The following GPD2 variants were observed in gnomAD, a reference collection of about 807,000 sequenced individuals.
GPD2 encodes glycerol-3-phosphate dehydrogenase 2.
Under a neutral mutation model 82.4 loss-of-function variants are expected in GPD2, and 54 were observed. The ratio of observed to expected loss-of-function variants is 0.66; its 90% confidence interval spans 0.53 to 0.82. The LOEUF (loss-of-function observed/expected upper bound fraction) is 0.82. GPD2 is among the 40% of genes least tolerant of loss of function. The pLI, the probability that GPD2 is intolerant of heterozygous loss-of-function variation, is 0.00. For missense variants in GPD2, 748 were observed against 896.2 expected (o/e 0.83, Z 2.11); for synonymous variants, 288 against 306.1 (o/e 0.94, Z 0.62).
At chr2:156,569,596 G>A in intron 11 of GPD2, 58 bp downstream of exon 11, 1 of 1,261,306 alleles carries the variant, frequency 7.9e-7, no homozygotes, top group South Asian at 1.2e-5. Context: ...TGCTGCCAGT[G>A]ACAGAACTGG....
chr2:156,512,107 A>T (rs1432861698), intron 4 of GPD2, 113 bp from the exon 5 acceptor site: 4 of 732,836 alleles, frequency 5.5e-6, no homozygotes, highest in Non-Finnish European at 1.0e-5. Flanking sequence ...AGCTATCCTC[A>T]CTCAGAGATA....
chr2:156,534,047 T>A (rs184505679), intron 6 of GPD2, among the ~76,000 whole-genome samples: 1 of 152,340 alleles, frequency 6.6e-6, no homozygotes. Flanking sequence ...AAGTATCAGG[T>A]CACACAGACA....
the GPD2 span, among the ~76,000 whole-genome samples, chr2:156,414,355 T>A: frequency 6.6e-6 from 1 of 152,208 alleles, no homozygotes; most frequent in Admixed American, 6.5e-5. Context: ...GTATATAAAC[T>A]GCAGGTTAAA....
chr2:156,407,942 T>C, the GPD2 span, among the ~76,000 whole-genome samples: 1 of 134,046 alleles, frequency 7.5e-6, no homozygotes, highest in Admixed American at 8.4e-5. Context: ...CTCCATGCTG[T>C]AATTTTTTTT....
intron 9 of GPD2, among the ~76,000 whole-genome samples, chr2:156,557,989 AAGATGCTTAAT>A (rs1687026532): frequency 6.6e-6 from 1 of 152,232 alleles, no homozygotes; most frequent in Non-Finnish European, 1.5e-5. Context: ...CTGTATTTGT[AAGATGCTTAAT>A]AGTCTGTTAC....
chr2:156,459,506 G>A (rs2105171953), intron 1 of GPD2, among the ~76,000 whole-genome samples: 1 of 151,848 alleles, frequency 6.6e-6, no homozygotes, highest in Middle Eastern at 3.4e-3. Flanking sequence ...CCAACATGGT[G>A]AAACCTACTA....
At chr2:156,502,104 A>ATG (rs10539711) in intron 3 of GPD2, among the ~76,000 whole-genome samples, 3,279 of 150,666 alleles carry the variant, frequency 0.022, 105 homozygotes, top group African/African-American at 0.075. Flanking sequence ...ATATATATGC[A>ATG]TGTGTGTGTG....
chr2:156,467,447 A>G (rs1247556256), intron 1 of GPD2, among the ~76,000 whole-genome samples: 1 of 152,212 alleles, frequency 6.6e-6, no homozygotes, highest in African/African-American at 2.4e-5. Flanking sequence ...TATCAGGATA[A>G]TGCTTTTCTC....
chr2:156,522,624 AC>A (rs1264973317), intron 6 of GPD2, among the ~76,000 whole-genome samples: 1 of 152,084 alleles, frequency 6.6e-6, no homozygotes, highest in Non-Finnish European at 1.5e-5. Flanking sequence ...TTTGCCAAAT[AC>A]ATGGTCCCTA....
chr2:156,469,525 T>C lies in GPD2; in HGVS notation c.-8-6573T>C, dbSNP rs79607741. Among the ~76,000 whole-genome samples, 26 of 152,338 alleles carry C rather than the reference T, an allele frequency of 1.7e-4. No individual in the cohort carries two copies. The East Asian group carries it at 4.2e-3, about 25-fold the overall frequency. ...ATTGTGTATATGTACCACATTTTTG[T>C]TATCCATTTGTCTGTTGATGGACAC... On this transcript the variant is annotated intron_variant, in intron 1 of 16. Coordinates refer to ENST00000438166, the MANE Select transcript of GPD2 (RefSeq NM_000408.5).
At chr2:156,551,185 AC>A (rs1338457982) in intron 8 of GPD2, among the ~76,000 whole-genome samples, 6 of 124,200 alleles carry the variant, frequency 4.8e-5, no homozygotes, top group African/African-American at 1.4e-4. Context: ...TAGGTTTATA[AC>A]TTTTGAAATA....
At chr2:156,534,040 T>G (rs753403587) in intron 6 of GPD2, among the ~76,000 whole-genome samples, 2 of 152,206 alleles carry the variant, frequency 1.3e-5, no homozygotes, top group African/African-American at 4.8e-5. Flanking sequence ...ATCCAGGAAG[T>G]ATCAGGTCAC....
intron 2 of GPD2, among the ~76,000 whole-genome samples, chr2:156,485,721 A>AG (rs1683913910): frequency 6.6e-6 from 1 of 152,192 alleles, no homozygotes; most frequent in Admixed American, 6.5e-5. Flanking sequence ...ATGTCTCTTT[A>AG]TTCTAGTGGG....
At chr2:156,419,719 T>C in the GPD2 span, among the ~76,000 whole-genome samples, 4,270 of 152,300 alleles carry the variant, frequency 0.028, 208 homozygotes, top group African/African-American at 0.097. Flanking sequence ...GTAGAGGAGA[T>C]TGGTCTTCTA....
chr2:156,542,858 AT>A (rs1686375818), intron 6 of GPD2, among the ~76,000 whole-genome samples: 1 of 151,972 alleles, frequency 6.6e-6, no homozygotes, highest in Non-Finnish European at 1.5e-5. Flanking sequence ...CTTTATTGCC[AT>A]TATTGCAATA....
the GPD2 span, among the ~76,000 whole-genome samples, chr2:156,411,069 A>G: frequency 6.6e-6 from 1 of 152,238 alleles, no homozygotes; most frequent in Non-Finnish European, 1.5e-5. Context: ...AGTGTTTATA[A>G]GAAACTAGAT....
At chr2:156,523,693 GA>G (rs1447319352) in intron 6 of GPD2, among the ~76,000 whole-genome samples, 1 of 151,930 alleles carries the variant, frequency 6.6e-6, no homozygotes, top group Non-Finnish European at 1.5e-5. Context: ...TAGATAGATA[GA>G]TAGATAGATA....
intron 1 of GPD2, 134 bp downstream of exon 1, chr2:156,436,647 G>C (rs892561203): frequency 2.0e-5 from 3 of 152,246 alleles, no homozygotes; most frequent in Admixed American, 6.5e-5. Flanking sequence ...GAAAGATTTA[G>C]AATTTCTTCC....
At chr2:156,425,965 C>T in the GPD2 span, among the ~76,000 whole-genome samples, 1 of 151,108 alleles carries the variant, frequency 6.6e-6, no homozygotes, top group Non-Finnish European at 1.5e-5. Context: ...CTCTGTTGCC[C>T]AGGCTGGAGT....
Sources: allele counts gnomAD v4.1 joint callset (sites outside exome capture counted in the v4.1 genomes callset), GRCh38; gene constraint gnomAD v4.1.1; transcripts MANE v1.5; gene names NCBI Gene and HGNC (gene_info 2026-07-23, HGNC 2026-07-21).